FLT1: variants seen among roughly 807,000 people sequenced by gnomAD.
FLT1 encodes the protein vascular endothelial growth factor receptor 1.
A neutral mutation model predicts 156.3 loss-of-function variants in FLT1; 49 were observed. That is an observed-to-expected ratio of 0.31 (90% CI 0.25 to 0.40). The LOEUF is 0.40. FLT1 is among the 10% of genes least tolerant of loss of function. The probability of loss-of-function intolerance (pLI) is 1.00; values close to 1 mark genes in which losing one functional copy is unlikely to be tolerated. For synonymous variants in FLT1, 594 were observed against 583.8 expected (o/e 1.02, Z -0.25); for missense variants, 1,322 against 1,637.2 (o/e 0.81, Z 3.32).
intron 18 of FLT1, among the ~76,000 whole-genome samples, chr13:28,333,316 C>T (rs185637775): frequency 6.6e-6 from 1 of 152,264 alleles, no homozygotes; most frequent in East Asian, 1.9e-4. Context: ...CATAAAATTC[C>T]ATTACAGATG....
intron 10 of FLT1, among the ~76,000 whole-genome samples, chr13:28,414,357 A>C (rs1876519457): frequency 6.6e-6 from 1 of 152,200 alleles, no homozygotes; most frequent in Non-Finnish European, 1.5e-5. Flanking sequence ...CTTTTTGTGA[A>C]CTACCTCAAA....
chr13:28,303,270 C>A lies in FLT1; in HGVS notation c.3914G>T (p.Arg1305Leu). Residue 1305 changes from arginine (R) to leucine (L), a missense_variant, in exon 30 of 30, where the codon CGC becomes CTC. This residue lies in a region of FLT1 where 329 missense variants were observed against 366.2 expected (regional missense o/e 0.90). Coordinates refer to ENST00000282397, the MANE Select transcript of FLT1 (RefSeq NM_002019.4). ...CTCAGCGTGGTCGTAGGTGAACCTG[C>A]GCTTGCCTTCGCTGACGTGCCCACA... ...SSCGHVSEGK[R>L]RFTYDHAELE... 2 of 1,613,998 alleles carry A rather than the reference C, an allele frequency of 1.2e-6. No individual in the cohort carries two copies. The highest frequency in any genetic ancestry group is 1.7e-6 in the Non-Finnish European group (2 of 1,180,006).
chr13:28,380,697 G>A (rs1874043342), intron 14 of FLT1, among the ~76,000 whole-genome samples: 1 of 151,998 alleles, frequency 6.6e-6, no homozygotes, highest in Admixed American at 6.6e-5. Context: ...GGGGTGGTGG[G>A]GGGAGAATCT....
At chr13:28,318,550 A>G (rs2138824486) in intron 24 of FLT1, among the ~76,000 whole-genome samples, 1 of 152,322 alleles carries the variant, frequency 6.6e-6, no homozygotes, top group Middle Eastern at 3.4e-3. Context: ...GGTAGGAAGC[A>G]GCTGGGAGGC....
intron 10 of FLT1, among the ~76,000 whole-genome samples, chr13:28,409,804 A>G (rs562838767): frequency 6.7e-4 from 102 of 152,300 alleles, no homozygotes; most frequent in African/African-American, 2.3e-3. Flanking sequence ...ATAGTAAGAA[A>G]AGACATCTCA....
intron 15 of FLT1, among the ~76,000 whole-genome samples, chr13:28,356,664 C>A (rs1438686391): frequency 6.6e-6 from 1 of 152,168 alleles, no homozygotes; most frequent in Admixed American, 6.5e-5. Context: ...GGGAAAAAAA[C>A]TGAAGTACGT....
chr13:28,418,654 C>T (rs1174189268), intron 10 of FLT1, among the ~76,000 whole-genome samples: 1 of 152,170 alleles, frequency 6.6e-6, no homozygotes. Flanking sequence ...GCCTCAACCT[C>T]CCGGGCTCAA....
intron 13 of FLT1, 44 bp from the exon 14 acceptor site, chr13:28,385,075 T>A (rs1377635858): frequency 5.0e-6 from 8 of 1,601,604 alleles, no homozygotes; most frequent in Non-Finnish European, 6.0e-6. Context: ...GTCAACTTTA[T>A]TCTTGTATTG....
At chr13:28,435,529 C>T (rs896575342) in intron 4 of FLT1, among the ~76,000 whole-genome samples, 1 of 152,168 alleles carries the variant, frequency 6.6e-6, no homozygotes, top group Admixed American at 6.5e-5. Flanking sequence ...CTTCCCCCAA[C>T]AGATTATAAA....
At position 28,305,218 on chromosome 13, in the gene FLT1, A is replaced by G. The variant is rs537646099; in HGVS notation, c.3815+1460T>C. On this transcript the variant is annotated intron_variant, in intron 29 of 29. Coordinates refer to ENST00000282397, the MANE Select transcript of FLT1 (RefSeq NM_002019.4). ...CATCTAGCTATCCTCATGGGCGTAA[A>G]GTGGTATCTTATGGTAATTTCTTTC... 2.8e-4 allele frequency among the ~76,000 whole-genome samples: 43 copies of G among 152,152 alleles called. No homozygotes were observed. The East Asian group carries it at 5.4e-3, about 19-fold the overall frequency.
intron 20 of FLT1, 98 bp from the exon 21 acceptor site, chr13:28,323,044 G>A (rs907887202): frequency 3.9e-6 from 5 of 1,286,648 alleles, no homozygotes; most frequent in East Asian, 2.3e-5. Flanking sequence ...AGAAATGAGA[G>A]CGTTTCACTT....
chr13:28,372,203 T>C (rs1397337866), intron 14 of FLT1, among the ~76,000 whole-genome samples: 2 of 148,570 alleles, frequency 1.3e-5, no homozygotes, highest in Admixed American at 1.3e-4. Context: ...TAGCTCAGTC[T>C]CCTGAGTAGC....
At chr13:28,432,821 C>T (rs1385591730) in intron 6 of FLT1, among the ~76,000 whole-genome samples, 3 of 152,208 alleles carry the variant, frequency 2.0e-5, no homozygotes, top group Non-Finnish European at 4.4e-5. Context: ...TTGGCACTTA[C>T]GGAGAATATT....
At chr13:28,485,468 T>G (rs1290414117) in intron 1 of FLT1, among the ~76,000 whole-genome samples, 1 of 152,220 alleles carries the variant, frequency 6.6e-6, no homozygotes, top group African/African-American at 2.4e-5. Flanking sequence ...ATTTATTTAT[T>G]TATTTTTACT....
chr13:28,453,201 G>A (rs1040708966), intron 3 of FLT1, among the ~76,000 whole-genome samples: 1 of 149,370 alleles, frequency 6.7e-6, no homozygotes, highest in South Asian at 2.1e-4. Context: ...TCAGCTCACT[G>A]CAAGCTTTAC....
chr13:28,450,303 T>A (rs1411948343), intron 3 of FLT1, among the ~76,000 whole-genome samples: 1 of 152,168 alleles, frequency 6.6e-6, no homozygotes, highest in Non-Finnish European at 1.5e-5. Flanking sequence ...TCTGAGTAAG[T>A]GAGTTGAAGA....
chr13:28,325,784 C>T (rs763477107), intron 20 of FLT1, among the ~76,000 whole-genome samples: 1 of 124,632 alleles, frequency 8.0e-6, no homozygotes, highest in Non-Finnish European at 1.6e-5. Flanking sequence ...CACTGCACTC[C>T]AGCCTGACTG....
intron 8 of FLT1, among the ~76,000 whole-genome samples, chr13:28,429,264 T>C (rs762981573): frequency 3.9e-5 from 6 of 152,192 alleles, no homozygotes; most frequent in Admixed American, 1.3e-4. Flanking sequence ...TCATATGACA[T>C]TGAAAGCCAA....
At chr13:28,420,288 G>A (rs1231908780) in intron 10 of FLT1, among the ~76,000 whole-genome samples, 1 of 152,184 alleles carries the variant, frequency 6.6e-6, no homozygotes, top group Admixed American at 6.5e-5. Flanking sequence ...AGTTTTATTT[G>A]GCTGTTTGTT....
Sources: allele counts gnomAD v4.1 joint callset (sites outside exome capture counted in the v4.1 genomes callset), GRCh38; gene constraint gnomAD v4.1.1; regional missense constraint gnomAD v4.1.1; transcripts MANE v1.5; gene names NCBI Gene and HGNC (gene_info 2026-07-23, HGNC 2026-07-21).